The following TCF12 variants were observed in gnomAD, a reference collection of about 807,000 sequenced individuals.
TCF12 encodes the protein transcription factor 12.
Under a neutral mutation model 86.0 loss-of-function variants are expected in TCF12, and 45 were observed. The observed-to-expected ratio is 0.52, with a 90% confidence interval of 0.41 to 0.67. The LOEUF is 0.67. Ranked by LOEUF, TCF12 falls within the 30% of genes least tolerant of loss-of-function variation. The pLI, the probability that TCF12 is intolerant of heterozygous loss-of-function variation, is 0.00. For synonymous variants in TCF12, 330 were observed against 299.6 expected (o/e 1.10, Z -1.05); for missense variants, 881 against 859.9 (o/e 1.02, Z -0.31).
intron 5 of TCF12, among the ~76,000 whole-genome samples, chr15:57,143,437 T>C (rs1179145971): frequency 6.6e-6 from 1 of 152,168 alleles, no homozygotes; most frequent in African/African-American, 2.4e-5. Flanking sequence ...CTAACAACTT[T>C]TATGTAAGCT....
At chr15:57,230,729 G>A (rs2059096920) in intron 8 of TCF12, among the ~76,000 whole-genome samples, 1 of 151,928 alleles carries the variant, frequency 6.6e-6, no homozygotes, top group Non-Finnish European at 1.5e-5. Flanking sequence ...GATTTTATTT[G>A]GTGAATCTTG....
intron 13 of TCF12, among the ~76,000 whole-genome samples, chr15:57,249,365 G>A (rs1283062492): frequency 1.3e-5 from 2 of 151,594 alleles, no homozygotes; most frequent in African/African-American, 2.4e-5. Flanking sequence ...TGTCTAGCAG[G>A]AAGCCTTTAA....
At chr15:57,138,550 A>C (rs56108460) in intron 5 of TCF12, among the ~76,000 whole-genome samples, 1 of 152,210 alleles carries the variant, frequency 6.6e-6, no homozygotes, top group Middle Eastern at 3.2e-3. Flanking sequence ...ATCTAACCGA[A>C]AGGAAAAGTG....
At chr15:56,993,787 C>G (rs2140987373) in intron 3 of TCF12, among the ~76,000 whole-genome samples, 1 of 152,272 alleles carries the variant, frequency 6.6e-6, no homozygotes, top group South Asian at 2.1e-4. Context: ...AAATATATTA[C>G]CAGTGTCCAC....
At chr15:57,191,337 G>A (rs1396443759) in intron 6 of TCF12, among the ~76,000 whole-genome samples, 3 of 152,172 alleles carry the variant, frequency 2.0e-5, no homozygotes, top group African/African-American at 2.4e-5. Context: ...GGTGGCACAT[G>A]CCTGTAGTCC....
rs1213911047 is a variant in TCF12 at position 57,260,438 on chromosome 15, CA to C, written c.1468-1655del. Among the ~76,000 whole-genome samples, 3 of 152,114 alleles carry C rather than the reference CA, an allele frequency of 2.0e-5. No individual in the cohort carries two copies. In the East Asian group the frequency reaches 5.8e-4, roughly 29 times the overall value. Reference sequence around the variant, plus strand: ...GCTATAAAATGTTTCACATGTATAACATACACTAAGTATACATATGTTTAAA... The same window carrying C: ...GCTATAAAATGTTTCACATGTATAACTACACTAAGTATACATATGTTTAAA... On this transcript the variant is annotated intron_variant, in intron 16 of 20. Transcript: ENST00000333725.
intron 5 of TCF12, among the ~76,000 whole-genome samples, chr15:57,125,110 A>G (rs571612156): frequency 2.6e-5 from 4 of 152,234 alleles, no homozygotes; most frequent in East Asian, 1.9e-4. Context: ...GTGATGATAC[A>G]GATCCCACTG....
chr15:56,987,610 A>G (rs1242358292), intron 3 of TCF12, among the ~76,000 whole-genome samples: 1 of 152,184 alleles, frequency 6.6e-6, no homozygotes, highest in Non-Finnish European at 1.5e-5. Flanking sequence ...ACTGCTTTAC[A>G]GTTTTGGTGC....
At chr15:57,030,781 A>G (rs755598247) in intron 3 of TCF12, among the ~76,000 whole-genome samples, 49 of 152,206 alleles carry the variant, frequency 3.2e-4, no homozygotes, top group Non-Finnish European at 6.5e-4. Flanking sequence ...CATATATAAG[A>G]TTCAGTTCTT....
intron 5 of TCF12, among the ~76,000 whole-genome samples, chr15:57,093,858 T>C (rs186564457): frequency 2.0e-5 from 3 of 152,312 alleles, no homozygotes; most frequent in Non-Finnish European, 4.4e-5. Context: ...TCTGCATTCA[T>C]GTGAACTACG....
chr15:56,999,460 C>G (rs1233501449), intron 3 of TCF12, among the ~76,000 whole-genome samples: 2 of 152,086 alleles, frequency 1.3e-5, no homozygotes, highest in Non-Finnish European at 2.9e-5. Context: ...ATAAGTGATA[C>G]TAAAAAACTC....
intron 8 of TCF12, among the ~76,000 whole-genome samples, chr15:57,206,582 C>CTTTTTTTTTTT (rs67531540): frequency 1.0e-3 from 88 of 83,832 alleles, no homozygotes; most frequent in Non-Finnish European, 1.4e-3. Context: ...CTTGTATTCT[C>CTTTTTTTTTTT]TTTTTTTTTT....
chr15:57,196,753 A>C (rs1486549644), intron 7 of TCF12, among the ~76,000 whole-genome samples: 1 of 152,148 alleles, frequency 6.6e-6, no homozygotes, highest in Admixed American at 6.5e-5. Context: ...TTCTCTGTCA[A>C]GTTATTTCCT....
intron 15 of TCF12, among the ~76,000 whole-genome samples, chr15:57,252,917 A>G: frequency 7.0e-6 from 1 of 143,076 alleles, no homozygotes; most frequent in East Asian, 2.1e-4. Flanking sequence ...GTATTAAAGT[A>G]TAGGTTGTAC....
intron 19 of TCF12, 111 bp from the exon 20 acceptor site, chr15:57,282,334 T>C (rs1396625211): frequency 7.8e-7 from 1 of 1,277,430 alleles, no homozygotes; most frequent in African/African-American, 1.5e-5. Flanking sequence ...TTCTATGTGA[T>C]GGTACTTAGT....
chr15:57,249,261 G>C (rs1338128045), intron 13 of TCF12, among the ~76,000 whole-genome samples: 1 of 151,974 alleles, frequency 6.6e-6, no homozygotes, highest in African/African-American at 2.4e-5. Context: ...GATTAATTCT[G>C]CCTTTTAATT....
intron 3 of TCF12, among the ~76,000 whole-genome samples, chr15:57,020,822 G>A (rs2065434646): frequency 6.6e-6 from 1 of 152,144 alleles, no homozygotes; most frequent in Non-Finnish European, 1.5e-5. Context: ...AGACTTCATG[G>A]AAGAGCATGA....
intron 4 of TCF12, among the ~76,000 whole-genome samples, chr15:57,068,845 T>C (rs2069128070): frequency 6.6e-6 from 1 of 152,226 alleles, no homozygotes; most frequent in African/African-American, 2.4e-5. Context: ...ATGATAATTT[T>C]ACATGTATTT....
At chr15:57,176,684 A>G (rs1343901312) in intron 6 of TCF12, among the ~76,000 whole-genome samples, 1 of 152,214 alleles carries the variant, frequency 6.6e-6, no homozygotes, top group Non-Finnish European at 1.5e-5. Context: ...GAATTGATGT[A>G]GTGATAAGAG....
Sources: allele counts gnomAD v4.1 joint callset (sites outside exome capture counted in the v4.1 genomes callset), GRCh38; gene constraint gnomAD v4.1.1; transcripts MANE v1.5; gene names NCBI Gene and HGNC (gene_info 2026-07-23, HGNC 2026-07-21).